The following SORCS3 variants were observed in gnomAD, a reference collection of about 807,000 sequenced individuals.
SORCS3 encodes the protein VPS10 domain-containing receptor SorCS3.
In SORCS3, 57 loss-of-function variants were observed where a neutral mutation model predicts 146.3. That is an observed-to-expected ratio of 0.39 (90% CI 0.31 to 0.49). The LOEUF (loss-of-function observed/expected upper bound fraction) is 0.49, where lower values mean the gene tolerates loss of function less well. Ranked by LOEUF, SORCS3 falls within the 20% of genes least tolerant of loss-of-function variation. The pLI, the probability that SORCS3 is intolerant of heterozygous loss-of-function variation, is 0.92. For synonymous variants in SORCS3, 653 were observed against 618.5 expected, an observed-to-expected ratio of 1.06 and a Z score of -0.83; for missense variants, 1,341 against 1,575.5, an observed-to-expected ratio of 0.85 and a Z score of 2.52.
intron 5 of SORCS3, among the ~76,000 whole-genome samples, chr10:105,059,837 G>A (rs2133717041): frequency 6.6e-6 from 1 of 152,316 alleles, no homozygotes; most frequent in Non-Finnish European, 1.5e-5. Context: ...CCCCTCTATG[G>A]GATGCCAAGC....
At position 105,255,704 on chromosome 10, in the gene SORCS3, T is replaced by C. The variant is rs2056927266; in HGVS notation, c.3240T>C (p.Ile1080=). 1 of 1,611,660 alleles carries C rather than the reference T, an allele frequency of 6.2e-7. No homozygotes were observed. Among genetic ancestry groups the C allele is most frequent in the Non-Finnish European group, 8.5e-7 (1 of 1,178,072 alleles). The change falls in exon 24 of 27, where the codon ATT becomes ATC. Residue 1080 remains isoleucine, a splice_region_variant and synonymous_variant. Coordinates refer to ENST00000369701, the MANE Select transcript of SORCS3 (RefSeq NM_014978.3). ...TGCATCCTGTCTTATTTTTTCAGATTGTAGAAACACTGTTTAATGCTCTCA... is the reference window on the plus strand; with the variant it reads ...TGCATCCTGTCTTATTTTTTCAGATCGTAGAAACACTGTTTAATGCTCTCA... ...RKGNEGDLEQ[I]VETLFNALNQ...
At chr10:105,139,061 G>A (rs781288750) in intron 7 of SORCS3, among the ~76,000 whole-genome samples, 21 of 152,238 alleles carry the variant, frequency 1.4e-4, no homozygotes, top group Middle Eastern at 3.2e-3. Flanking sequence ...TAGATCATGG[G>A]TGTAGCCCAC....
intron 2 of SORCS3, among the ~76,000 whole-genome samples, chr10:104,896,656 A>C (rs2018801915): frequency 6.6e-6 from 1 of 152,240 alleles, no homozygotes; most frequent in Non-Finnish European, 1.5e-5. Context: ...TTGTTTATGT[A>C]CTGCTTATGA....
Position 105,176,348 on chromosome 10 carries a change from AGCCTGG to A in SORCS3, c.1902-1715_1902-1710del, listed in dbSNP as rs528673556. The stretch of plus-strand genomic sequence containing the variant: ...TGCTTGCAGCCAGGAGGTTGAGACC[AGCCTGG>A]GCAATAAAGCAACACCCCACCTCTA... On this transcript the variant is annotated intron_variant, in intron 13 of 26. Transcript: ENST00000369701. Among the ~76,000 whole-genome samples, 136 of 151,984 alleles carry A rather than the reference AGCCTGG, an allele frequency of 8.9e-4. 2 individuals carry two copies. The highest frequency in any genetic ancestry group is 8.5e-3 in the Admixed American group (130 of 15,246).
At chr10:104,926,708 A>G (rs140943375) in intron 3 of SORCS3, among the ~76,000 whole-genome samples, 2,365 of 152,358 alleles carry the variant, frequency 0.016, 69 homozygotes, top group African/African-American at 0.053. Flanking sequence ...TAAAGGAAAA[A>G]GAATCTAGAG....
At chr10:104,987,660 A>C (rs910117598) in intron 4 of SORCS3, among the ~76,000 whole-genome samples, 1 of 152,100 alleles carries the variant, frequency 6.6e-6, no homozygotes, top group Non-Finnish European at 1.5e-5. Context: ...CCTAACAAAA[A>C]GTGTACTCTT....
chr10:104,965,455 A>G (rs538780894), intron 3 of SORCS3, among the ~76,000 whole-genome samples: 2 of 152,332 alleles, frequency 1.3e-5, no homozygotes, highest in African/African-American at 4.8e-5. Flanking sequence ...TAGCTGGATC[A>G]TATGATAATT....
Position 105,252,731 on chromosome 10 carries a change from G to A in SORCS3, c.3106-44G>A, listed in dbSNP as rs760714312. On this transcript the variant is annotated intron_variant, in intron 22 of 26. Transcript: ENST00000369701. The stretch of plus-strand genomic sequence containing the variant: ...CTGCTCTTGTCATTGATTTGGGGAG[G>A]GCTGGCTCCTCCACAGCCTCTCTTT... The A allele has an allele frequency of 1.9e-5, 30 of 1,612,242 alleles. No homozygotes were observed. In the South Asian group the frequency reaches 3.1e-4, roughly 17 times the overall value.
chr10:105,216,557 C>G (rs1213889221), intron 18 of SORCS3, among the ~76,000 whole-genome samples: 2 of 151,920 alleles, frequency 1.3e-5, no homozygotes, highest in African/African-American at 4.8e-5. Flanking sequence ...TAAAAAAAAC[C>G]TCGGTAACTA....
intron 7 of SORCS3, among the ~76,000 whole-genome samples, chr10:105,127,307 G>A (rs1042396393): frequency 2.0e-5 from 3 of 152,048 alleles, no homozygotes; most frequent in African/African-American, 7.2e-5. Flanking sequence ...CTACCCATTT[G>A]TAAAAGTTCA....
intron 1 of SORCS3, among the ~76,000 whole-genome samples, chr10:104,719,492 A>G (rs1395686892): frequency 1.3e-5 from 2 of 152,188 alleles, no homozygotes; most frequent in Non-Finnish European, 2.9e-5. Context: ...AAGAATGGAA[A>G]GGTTGTGGAG....
chr10:104,642,022 G>GGCCCC, intron 1 of SORCS3, 68 bp downstream of exon 1: 4 of 173,334 alleles, frequency 2.3e-5, no homozygotes, highest in Non-Finnish European at 2.2e-5. Context: ...GGGTGGGTGG[G>GGCCCC]AGCGAGGGAC....
intron 2 of SORCS3, among the ~76,000 whole-genome samples, chr10:104,910,850 G>T (rs926374878): frequency 6.6e-6 from 1 of 152,246 alleles, no homozygotes; most frequent in Non-Finnish European, 1.5e-5. Flanking sequence ...GACCTCATGC[G>T]CCACCTTCCA....
At chr10:105,106,715 A>G (rs947244230) in intron 7 of SORCS3, among the ~76,000 whole-genome samples, 1 of 152,192 alleles carries the variant, frequency 6.6e-6, no homozygotes, top group African/African-American at 2.4e-5. Flanking sequence ...AGCCACTCAA[A>G]AACCATCTTC....
chr10:105,211,983 G>A (rs868142607), intron 17 of SORCS3, among the ~76,000 whole-genome samples: 9 of 152,110 alleles, frequency 5.9e-5, no homozygotes, highest in East Asian at 1.9e-4. Flanking sequence ...TGTGAGCTCC[G>A]ATGTGATGTC....
chr10:104,818,408 C>CCTTCCT (rs1564690841), intron 1 of SORCS3, among the ~76,000 whole-genome samples: 7 of 150,698 alleles, frequency 4.6e-5, no homozygotes, highest in African/African-American at 9.8e-5. Flanking sequence ...TTCCTTCTTT[C>CCTTCCT]TCTCTTTTTT....
At chr10:105,109,181 A>G (rs2055842523) in intron 7 of SORCS3, among the ~76,000 whole-genome samples, 1 of 152,004 alleles carries the variant, frequency 6.6e-6, no homozygotes, top group Non-Finnish European at 1.5e-5. Context: ...TGAATTTCTA[A>G]TTTTCTCCCT....
At chr10:104,678,509 G>C (rs2133262870) in intron 1 of SORCS3, among the ~76,000 whole-genome samples, 1 of 152,288 alleles carries the variant, frequency 6.6e-6, no homozygotes, top group South Asian at 2.1e-4. Flanking sequence ...GCCAGTGCTG[G>C]AAAGTGAGTT....
chr10:104,856,738 G>T, intron 2 of SORCS3, among the ~76,000 whole-genome samples: 1 of 142,802 alleles, frequency 7.0e-6, no homozygotes, highest in African/African-American at 2.6e-5. Context: ...TCTCTCTATA[G>T]ATCTCTAATT....
Sources: gnomAD v4.1 joint callset for allele counts (sites outside exome capture counted in the v4.1 genomes callset) on GRCh38, gnomAD v4.1.1 for gene constraint, MANE v1.5 for transcripts, NCBI Gene and HGNC (gene_info 2026-07-23, HGNC 2026-07-21) for gene names.